Variants in PRKCE observed in about 807,000 individuals in gnomAD.
PRKCE encodes protein kinase C epsilon, also known as protein kinase C epsilon type.
PRKCE carries 16 observed loss-of-function variants against 85.4 expected under a neutral mutation model. The observed-to-expected ratio is 0.19, with a 90% CI of 0.13 to 0.28. The LOEUF (loss-of-function observed/expected upper bound fraction) is 0.28. Ranked by LOEUF, PRKCE falls within the 10% of genes least tolerant of loss-of-function variation. The pLI is 1.00. For synonymous variants in PRKCE, 388 were observed against 371.5 expected (o/e 1.04, Z -0.51); for missense variants, 573 against 975.2 (o/e 0.59, Z 5.49).
At chr2:46,111,918 T>A (rs1235561171) in intron 11 of PRKCE, among the ~76,000 whole-genome samples, 1 of 152,188 alleles carries the variant, frequency 6.6e-6, no homozygotes, top group Non-Finnish European at 1.5e-5. Flanking sequence ...CCATTTTATA[T>A]TCCCACCAGC....
At chr2:45,794,993 C>T (rs1408841762) in intron 1 of PRKCE, among the ~76,000 whole-genome samples, 1 of 152,002 alleles carries the variant, frequency 6.6e-6, no homozygotes, top group East Asian at 1.9e-4. Context: ...CTGTTGTTTT[C>T]CACTCTTTCC....
In PRKCE at chr2:46,028,395, T is replaced by G. The variant is rs80265002; in HGVS notation, c.1437+17878T>G. 1.5e-3 allele frequency among the ~76,000 whole-genome samples: 234 copies of G among 152,356 alleles called. 2 individuals are homozygous for G. The highest frequency in any genetic ancestry group is 5.3e-3 in the African/African-American group (220 of 41,582). ...TTATAACTAAGAAGATGCCAAACAT[T>G]TCATTTGGCAGTTTGTATTATGAAA... On this transcript the variant is annotated intron_variant, in intron 10 of 14. Transcript: ENST00000306156.
intron 2 of PRKCE, among the ~76,000 whole-genome samples, chr2:45,900,494 T>A (rs942497310): frequency 6.6e-6 from 1 of 152,236 alleles, no homozygotes; most frequent in Non-Finnish European, 1.5e-5. Flanking sequence ...AACATTATGC[T>A]ATGTAAAATA....
Position 45,862,625 on chromosome 2 carries a change from C to T in PRKCE, c.412+19562C>T, listed in dbSNP as rs150561414. Reference sequence around the variant, plus strand: ...AGCTGGGCTCAGTCACTAACTTCTGCACTTCTGGGAAACCAATTGCCAAGT... The same window carrying T: ...AGCTGGGCTCAGTCACTAACTTCTGTACTTCTGGGAAACCAATTGCCAAGT... On this transcript the variant is annotated intron_variant, in intron 2 of 14. Transcript: ENST00000306156. Among the ~76,000 whole-genome samples the T allele has an allele frequency of 4.6e-5, 7 of 152,340 alleles. No homozygotes were observed. In the East Asian group the frequency reaches 1.2e-3, roughly 25 times the overall value.
rs539912750 is a variant in PRKCE at position 46,077,193 on chromosome 2, G to A, written c.1438-9015G>A. Among the ~76,000 whole-genome samples, 165 of 151,104 alleles carry A rather than the reference G, an allele frequency of 1.1e-3. 1 individual carries two copies. The highest frequency in any genetic ancestry group is 3.8e-3 in the African/African-American group (154 of 41,038). Reference sequence around the variant, plus strand: ...CACACACACACACACACACACGCACGCGCACACCCAAAATAATAATAATAA... The same window carrying A: ...CACACACACACACACACACACGCACACGCACACCCAAAATAATAATAATAA... On this transcript the variant is annotated intron_variant, in intron 10 of 14. Coordinates refer to ENST00000306156, the MANE Select transcript of PRKCE (RefSeq NM_005400.3).
chr2:46,051,504 C>G (rs2105064758), intron 10 of PRKCE, among the ~76,000 whole-genome samples: 2 of 152,296 alleles, frequency 1.3e-5, no homozygotes, highest in South Asian at 4.1e-4. Context: ...CATTCTTCTC[C>G]CAAGCTGCTG....
chr2:45,869,899 G>T (rs1212953828), intron 2 of PRKCE, among the ~76,000 whole-genome samples: 1 of 151,800 alleles, frequency 6.6e-6, no homozygotes, highest in South Asian at 2.1e-4. Flanking sequence ...GTAGAGACGG[G>T]GTTTCACCAT....
chr2:45,817,066 A>AGTGTGTGTGTGTGTGTGTGTGT (rs200785601), intron 1 of PRKCE, among the ~76,000 whole-genome samples: 1 of 135,788 alleles, frequency 7.4e-6, no homozygotes, highest in African/African-American at 2.8e-5. Flanking sequence ...CTGTAAGTAG[A>AGTGTGTGTGTGTGTGTGTGTGT]GTGTGTGTGT....
chr2:45,864,122 G>A (rs1198281229), intron 2 of PRKCE, among the ~76,000 whole-genome samples: 1 of 152,174 alleles, frequency 6.6e-6, no homozygotes, highest in Non-Finnish European at 1.5e-5. Context: ...TTCAGCCTGG[G>A]TGTGAATCCT....
intron 1 of PRKCE, among the ~76,000 whole-genome samples, chr2:45,659,477 G>A (rs142092764): frequency 6.6e-6 from 1 of 152,170 alleles, no homozygotes; most frequent in East Asian, 1.9e-4. Context: ...ACCTGTCCTG[G>A]CTTCTCAGCT....
At chr2:45,814,479 GC>G (rs1183679833) in intron 1 of PRKCE, among the ~76,000 whole-genome samples, 1 of 152,216 alleles carries the variant, frequency 6.6e-6, no homozygotes, top group Non-Finnish European at 1.5e-5. Context: ...ACTGCTGGGG[GC>G]TGAGTTCACT....
At chr2:45,741,883 C>T (rs1403917349) in intron 1 of PRKCE, among the ~76,000 whole-genome samples, 1 of 152,320 alleles carries the variant, frequency 6.6e-6, no homozygotes, top group African/African-American at 2.4e-5. Context: ...TACCCAGGGT[C>T]TCTCCTTTAA....
At chr2:45,871,884 G>A (rs1364734797) in intron 2 of PRKCE, among the ~76,000 whole-genome samples, 1 of 152,134 alleles carries the variant, frequency 6.6e-6, no homozygotes. Flanking sequence ...TGACGAAGTG[G>A]AGAAAGGAGG....
intron 11 of PRKCE, among the ~76,000 whole-genome samples, chr2:46,144,287 G>A (rs1383864165): frequency 6.6e-6 from 1 of 152,172 alleles, no homozygotes; most frequent in African/African-American, 2.4e-5. Flanking sequence ...CACCCAGCCT[G>A]CTTGCCCCTA....
intron 11 of PRKCE, among the ~76,000 whole-genome samples, chr2:46,114,910 G>A (rs1672622363): frequency 6.6e-6 from 1 of 152,172 alleles, no homozygotes; most frequent in African/African-American, 2.4e-5. Flanking sequence ...AAATATTTGA[G>A]ACCTTTATAA....
chr2:46,178,333 C>G (rs1442044167), intron 14 of PRKCE, among the ~76,000 whole-genome samples: 2 of 152,226 alleles, frequency 1.3e-5, no homozygotes, highest in Non-Finnish European at 2.9e-5. Flanking sequence ...GATGACCCCT[C>G]TATACATTTT....
intron 1 of PRKCE, among the ~76,000 whole-genome samples, chr2:45,802,394 CT>C (rs950832521): frequency 6.6e-5 from 10 of 151,948 alleles, no homozygotes; most frequent in South Asian, 2.1e-4. Context: ...ATATTGGTCC[CT>C]TTTTTTTCTT....
At chr2:45,741,559 C>T (rs1878384) in intron 1 of PRKCE, among the ~76,000 whole-genome samples, 45,830 of 152,142 alleles carry the variant, frequency 0.3, 7,917 homozygotes, top group Admixed American at 0.4. Flanking sequence ...ACGTCTGACA[C>T]GGTCCTCAGC....
intron 10 of PRKCE, among the ~76,000 whole-genome samples, chr2:46,023,055 A>G (rs1394926572): frequency 1.5e-5 from 2 of 131,728 alleles, no homozygotes; most frequent in Admixed American, 8.5e-5. Flanking sequence ...TGCAGTCCGC[A>G]GTCCGTCCTG....
Sources: allele counts gnomAD v4.1 joint callset (sites outside exome capture counted in the v4.1 genomes callset), GRCh38; gene constraint gnomAD v4.1.1; transcripts MANE v1.5; gene names NCBI Gene and HGNC (gene_info 2026-07-23, HGNC 2026-07-21).